Variants in RIN2 observed in about 807,000 individuals in gnomAD.
RIN2 encodes Ras and Rab interactor 2, also known as RAB5 interacting protein 2.
In RIN2, 36 loss-of-function variants were observed where a neutral mutation model predicts 78.0. The ratio of observed to expected loss-of-function variants is 0.46; its 90% confidence interval spans 0.35 to 0.61. The LOEUF (loss-of-function observed/expected upper bound fraction) is 0.61, where lower values mean the gene tolerates loss of function less well. Ranked by LOEUF, RIN2 falls within the 20% of genes least tolerant of loss-of-function variation. The pLI, the probability that RIN2 is intolerant of heterozygous loss-of-function variation, is 0.00. For synonymous variants in RIN2, 466 were observed against 466.8 expected (o/e 1.00, Z 0.02); for missense variants, 1,087 against 1,159.7 (o/e 0.94, Z 0.91).
At chr20:19,889,951 C>T (rs1036726503) in intron 3 of RIN2, among the ~76,000 whole-genome samples, 17 of 152,134 alleles carry the variant, frequency 1.1e-4, no homozygotes, top group African/African-American at 3.9e-4. Flanking sequence ...TTTTCAGCTG[C>T]AGGGTTTTAT....
chr20:19,815,000 A>T (rs2035719468), intron 2 of RIN2, among the ~76,000 whole-genome samples: 1 of 152,174 alleles, frequency 6.6e-6, no homozygotes, highest in Admixed American at 6.5e-5. Flanking sequence ...TTGATCATGT[A>T]ATATTTATCC....
At chr20:19,905,465 G>A (rs941080334) in intron 3 of RIN2, among the ~76,000 whole-genome samples, 1 of 152,212 alleles carries the variant, frequency 6.6e-6, no homozygotes, top group East Asian at 1.9e-4. Flanking sequence ...GCTCATACCT[G>A]TAATCCTAAC....
chr20:19,912,475 CTTTTTTTTTT>C (rs545323465), intron 3 of RIN2, among the ~76,000 whole-genome samples: 2 of 110,938 alleles, frequency 1.8e-5, no homozygotes, highest in South Asian at 6.3e-4. Context: ...TTTTCTTTTT[CTTTTTTTTTT>C]TTTTTTTTTT....
intron 3 of RIN2, among the ~76,000 whole-genome samples, chr20:19,905,473 A>G (rs1280352225): frequency 6.6e-6 from 1 of 152,160 alleles, no homozygotes; most frequent in African/African-American, 2.4e-5. Context: ...CTGTAATCCT[A>G]ACTCTGTGGG....
At chr20:19,942,485 C>T (rs1398271248) in intron 4 of RIN2, among the ~76,000 whole-genome samples, 3 of 152,010 alleles carry the variant, frequency 2.0e-5, no homozygotes, top group Non-Finnish European at 2.9e-5. Context: ...AAAAGTAAAA[C>T]GTGTACATGG....
chr20:19,936,094 C>A (rs908588732), intron 4 of RIN2, among the ~76,000 whole-genome samples: 1 of 152,234 alleles, frequency 6.6e-6, no homozygotes, highest in African/African-American at 2.4e-5. Context: ...CCGCCATACG[C>A]TGACGGGAGA....
chr20:19,956,724 C>T lies in RIN2; in HGVS notation c.268C>T (p.Leu90Phe). Residue 90 changes from leucine (L) to phenylalanine (F), a missense_variant, in exon 5 of 13, where the codon CTC becomes TTC. By Grantham distance (22) the Leu-to-Phe change is conservative. This residue lies in a region of RIN2 where 706 missense variants were observed against 667.5 expected (regional missense o/e 1.06). Coordinates refer to ENST00000255006, the MANE Select transcript of RIN2 (RefSeq NM_018993.4). ...CAACAGGCTCAGCATCTTGGACCGG[C>T]TCCTCCACACCCACCCCATATGGCT... ...LSNRLSILDR[L>F]LHTHPIWLQL... 1 of 1,610,676 alleles carries T rather than the reference C, an allele frequency of 6.2e-7. No homozygotes were observed. The highest frequency in any genetic ancestry group is 8.5e-7 in the Non-Finnish European group (1 of 1,178,608).
Position 19,975,011 on chromosome 20 carries a change from A to C in RIN2, c.986A>C (p.Glu329Ala). 1 of 1,607,260 alleles carries C rather than the reference A, an allele frequency of 6.2e-7. No homozygotes were observed. The highest frequency in any genetic ancestry group is 8.5e-7 in the Non-Finnish European group (1 of 1,177,144). The change falls in exon 9 of 13, where the codon GAA (glutamate) becomes GCA (alanine). Residue 329 changes from glutamate (E) to alanine (A), a missense_variant. Transcript: ENST00000255006. The surrounding 1 kb of genome is among the most constrained non-coding windows in gnomAD (Gnocchi z 4.9). ...LHTSPRLART[E>A]TQTSMPETVN... Reference sequence around the variant, plus strand: ...ACAAGCCCTCGGCTGGCCAGGACTGAAACCCAGACGAGCATGCCAGAAACA... The same window carrying C: ...ACAAGCCCTCGGCTGGCCAGGACTGCAACCCAGACGAGCATGCCAGAAACA...
intron 3 of RIN2, among the ~76,000 whole-genome samples, chr20:19,904,338 A>G (rs2039127244): frequency 6.6e-6 from 1 of 151,614 alleles, no homozygotes; most frequent in Admixed American, 6.6e-5. Context: ...TATATGGTTC[A>G]TTTATTCAGC....
intron 1 of RIN2, among the ~76,000 whole-genome samples, chr20:19,769,508 T>C (rs1260710539): frequency 1.3e-5 from 2 of 152,194 alleles, no homozygotes; most frequent in African/African-American, 2.4e-5. Context: ...TCATCGACCC[T>C]CCATCTCTGG....
intron 3 of RIN2, among the ~76,000 whole-genome samples, chr20:19,906,674 G>A (rs916310548): frequency 2.0e-5 from 3 of 152,154 alleles, no homozygotes; most frequent in Non-Finnish European, 4.4e-5. Context: ...CATCACCATC[G>A]TGGTCCAGGG....
chr20:19,986,030 G>A (rs1053944331), intron 9 of RIN2, among the ~76,000 whole-genome samples: 3 of 152,108 alleles, frequency 2.0e-5, no homozygotes, highest in Non-Finnish European at 4.4e-5. Flanking sequence ...TGTTCTGAGA[G>A]TTTAAAAGGT....
chr20:19,964,123 CA>C (rs753229269), intron 6 of RIN2, among the ~76,000 whole-genome samples: 4 of 152,116 alleles, frequency 2.6e-5, no homozygotes, highest in Non-Finnish European at 4.4e-5. Context: ...CTTGGCCTCA[CA>C]AAGTGCTGGG....
At chr20:19,860,996 C>T (rs982555449) in intron 2 of RIN2, among the ~76,000 whole-genome samples, 3 of 152,196 alleles carry the variant, frequency 2.0e-5, no homozygotes, top group African/African-American at 7.2e-5. Context: ...TTCACTATTA[C>T]AAATCCTATG....
Position 19,785,275 on chromosome 20 carries a change from TAC to T in RIN2, c.-162-14322_-162-14321del, listed in dbSNP as rs11471757. 1.6e-3 allele frequency among the ~76,000 whole-genome samples: 229 copies of T among 142,384 alleles called. 1 individual carries two copies. Among genetic ancestry groups the T allele is most frequent in the African/African-American group, 1.9e-3 (73 of 39,344 alleles). The allele number at this position is 142,384 out of a possible 152,430, so 93.4% of individuals were successfully genotyped here. ...TAGTCAATGTTCTCACCCCTCTACA[TAC>T]ACACACACACACACACACACACACC... On this transcript the variant is annotated intron_variant, in intron 1 of 12. Transcript: ENST00000255006.
chr20:19,936,373 C>A (rs2040644765), intron 4 of RIN2, among the ~76,000 whole-genome samples: 1 of 152,050 alleles, frequency 6.6e-6, no homozygotes, highest in Non-Finnish European at 1.5e-5. Context: ...CTCTGCCTCA[C>A]CTCCAGAGTA....
At chr20:19,958,205 C>T (rs541342751) in intron 5 of RIN2, among the ~76,000 whole-genome samples, 1 of 152,344 alleles carries the variant, frequency 6.6e-6, no homozygotes, top group South Asian at 2.1e-4. Flanking sequence ...GAACAAGGCA[C>T]GGTGCTTTCT....
In RIN2 at chr20:19,790,121, G is replaced by A. The variant is rs187181746; in HGVS notation, c.-162-9501G>A. On this transcript the variant is annotated intron_variant, in intron 1 of 12. Transcript: ENST00000255006. ...GCCTCTATAGACCATCATTTCCCTC[G>A]TTGCAGATGAGTTGTTTTCTGAATA... Among the ~76,000 whole-genome samples, 289 of 152,144 alleles carry A rather than the reference G, an allele frequency of 1.9e-3. 2 individuals carry two copies. In the Middle Eastern group the frequency reaches 0.037, roughly 20 times the overall value.
intron 1 of RIN2, among the ~76,000 whole-genome samples, chr20:19,794,319 G>A (rs2034981066): frequency 6.6e-6 from 1 of 152,134 alleles, no homozygotes; most frequent in Admixed American, 6.5e-5. Flanking sequence ...ACTTTGGGAG[G>A]CCACGGCGGG....
Sources: allele counts gnomAD v4.1 joint callset (sites outside exome capture counted in the v4.1 genomes callset), GRCh38; gene constraint gnomAD v4.1.1; regional missense constraint gnomAD v4.1.1; non-coding constraint Gnocchi (gnomAD v3.1); transcripts MANE v1.5; gene names NCBI Gene and HGNC (gene_info 2026-07-23, HGNC 2026-07-21).